FSTL5: variants seen among roughly 807,000 people sequenced by gnomAD.
FSTL5 encodes the protein follistatin-related protein 5.
In FSTL5, 62 loss-of-function variants were observed where a neutral mutation model predicts 89.1. The observed-to-expected ratio is 0.70, with a 90% CI of 0.57 to 0.86. The LOEUF (loss-of-function observed/expected upper bound fraction) is 0.86, where lower values mean the gene tolerates loss of function less well. Ranked by LOEUF, FSTL5 falls within the 40% of genes least tolerant of loss-of-function variation. FSTL5 has a pLI of 0.00. For missense variants in FSTL5, 1,057 were observed against 1,001.6 expected (o/e 1.06, Z -0.75); for synonymous variants, 383 against 346.2 (o/e 1.11, Z -1.18).
At chr4:161,888,390 T>C (rs190007560) in intron 4 of FSTL5, among the ~76,000 whole-genome samples, 5 of 152,204 alleles carry the variant, frequency 3.3e-5, no homozygotes, top group Admixed American at 1.3e-4. Flanking sequence ...GACTACAACA[T>C]AGAGCCCACC....
At chr4:162,001,992 T>A (rs959258809) in intron 3 of FSTL5, among the ~76,000 whole-genome samples, 31 of 152,280 alleles carry the variant, frequency 2.0e-4, no homozygotes, top group African/African-American at 6.0e-4. Context: ...CTACTTTTTT[T>A]ATTTTTTTTA....
intron 6 of FSTL5, among the ~76,000 whole-genome samples, chr4:161,747,870 C>T (rs1365188416): frequency 6.6e-6 from 1 of 151,880 alleles, no homozygotes; most frequent in African/African-American, 2.4e-5. Flanking sequence ...TTAATTGTTA[C>T]CTAAGGATAT....
rs143955332 is a variant in FSTL5 at position 161,566,248 on chromosome 4, A to T, written c.1015+21207T>A. Among the ~76,000 whole-genome samples the T allele has an allele frequency of 9.9e-5, 15 of 151,108 alleles. No individual in the cohort carries two copies. The East Asian group carries it at 2.9e-3, about 30-fold the overall frequency. ...AACTGTAAGCAATTATCCTAAGTGA[A>T]GTAACTCAGAAATGGAAAACAAATA... On this transcript the variant is annotated intron_variant, in intron 8 of 15. Transcript: ENST00000306100.
intron 1 of FSTL5, among the ~76,000 whole-genome samples, chr4:162,146,546 ATTG>A (rs1210238381): frequency 1.3e-5 from 2 of 152,110 alleles, no homozygotes; most frequent in African/African-American, 2.4e-5. Context: ...AGTATTCCCT[ATTG>A]TTAACATCTC....
chr4:161,480,502 C>T (rs188331093), intron 13 of FSTL5, among the ~76,000 whole-genome samples: 7 of 152,226 alleles, frequency 4.6e-5, no homozygotes, highest in Non-Finnish European at 1.0e-4. Flanking sequence ...GAAAGCATGA[C>T]GATGACAATG....
intron 3 of FSTL5, among the ~76,000 whole-genome samples, chr4:161,921,778 A>G (rs1734002143): frequency 6.6e-6 from 1 of 152,054 alleles, no homozygotes; most frequent in Non-Finnish European, 1.5e-5. Context: ...ACTACCTAAC[A>G]CATCTGTAAC....
chr4:161,620,543 C>T (rs917084926), intron 7 of FSTL5, among the ~76,000 whole-genome samples: 3 of 152,082 alleles, frequency 2.0e-5, no homozygotes, highest in Non-Finnish European at 2.9e-5. Flanking sequence ...GTAATCCCAG[C>T]TACTCGGGAA....
chr4:161,492,162 T>C (rs1470892704), intron 12 of FSTL5, among the ~76,000 whole-genome samples: 1 of 152,190 alleles, frequency 6.6e-6, no homozygotes, highest in African/African-American at 2.4e-5. Flanking sequence ...AGTGTACATC[T>C]GTCTACAAGG....
chr4:162,037,070 A>G (rs1257456987), intron 2 of FSTL5, among the ~76,000 whole-genome samples: 3 of 151,910 alleles, frequency 2.0e-5, no homozygotes, highest in African/African-American at 7.2e-5. Flanking sequence ...TATTATTTAT[A>G]TCACTGAGAT....
At chr4:162,081,279 C>T (rs1035251914) in intron 2 of FSTL5, among the ~76,000 whole-genome samples, 1 of 151,520 alleles carries the variant, frequency 6.6e-6, no homozygotes, top group Non-Finnish European at 1.5e-5. Context: ...TCAGAACTGA[C>T]ACAATATAAT....
At chr4:161,397,523 T>C (rs1035966949) in intron 15 of FSTL5, among the ~76,000 whole-genome samples, 2 of 151,592 alleles carry the variant, frequency 1.3e-5, no homozygotes, top group Admixed American at 6.6e-5. Context: ...CACATGTATA[T>C]ATAATTTTTA....
intron 7 of FSTL5, among the ~76,000 whole-genome samples, chr4:161,587,835 G>A (rs1733669118): frequency 6.6e-6 from 1 of 152,008 alleles, no homozygotes; most frequent in African/African-American, 2.4e-5. Flanking sequence ...AATATATAAA[G>A]TAACTTAATT....
chr4:161,999,965 T>G (rs2111102492), intron 3 of FSTL5, among the ~76,000 whole-genome samples: 1 of 152,328 alleles, frequency 6.6e-6, no homozygotes, highest in African/African-American at 2.4e-5. Context: ...TGGTGAATTC[T>G]ACAGGTATCA....
intron 10 of FSTL5, among the ~76,000 whole-genome samples, chr4:161,521,537 A>G (rs934554043): frequency 6.6e-6 from 1 of 152,076 alleles, no homozygotes; most frequent in Non-Finnish European, 1.5e-5. Flanking sequence ...AGTAACATCA[A>G]TATCTAAGCC....
At chr4:162,005,277 C>T (rs1002238332) in intron 3 of FSTL5, among the ~76,000 whole-genome samples, 5 of 152,092 alleles carry the variant, frequency 3.3e-5, no homozygotes, top group African/African-American at 9.7e-5. Flanking sequence ...GGAAGCATTT[C>T]GTTCTCTGAC....
chr4:161,814,750 C>CA (rs1476227615), intron 4 of FSTL5, among the ~76,000 whole-genome samples: 1 of 151,970 alleles, frequency 6.6e-6, no homozygotes, highest in East Asian at 1.9e-4. Flanking sequence ...ATCCTGCTGC[C>CA]AAAAAGATGT....
chr4:162,115,037 G>A (rs989228216), intron 1 of FSTL5, among the ~76,000 whole-genome samples: 1 of 152,028 alleles, frequency 6.6e-6, no homozygotes, highest in East Asian at 1.9e-4. Context: ...AAGTCAGATC[G>A]TCAGAAGTCA....
intron 10 of FSTL5, among the ~76,000 whole-genome samples, chr4:161,530,804 C>T (rs1466194045): frequency 2.0e-5 from 3 of 152,034 alleles, no homozygotes; most frequent in Admixed American, 6.6e-5. Context: ...TTAAAAGCTT[C>T]CTGTAGAAGC....
At chr4:161,805,309 G>C (rs1198041623) in intron 4 of FSTL5, among the ~76,000 whole-genome samples, 2 of 152,096 alleles carry the variant, frequency 1.3e-5, no homozygotes, top group East Asian at 3.8e-4. Flanking sequence ...ATTCTAAAAT[G>C]TGTTCTGATT....
Sources: allele counts gnomAD v4.1 joint callset (sites outside exome capture counted in the v4.1 genomes callset), GRCh38; gene constraint gnomAD v4.1.1; transcripts MANE v1.5; gene names NCBI Gene and HGNC (gene_info 2026-07-23, HGNC 2026-07-21).